MED13L: variants seen among roughly 807,000 people sequenced by gnomAD.
The protein encoded by MED13L is mediator of RNA polymerase II transcription subunit 13-like.
Under a neutral mutation model 220.9 loss-of-function variants are expected in MED13L, and 7 were observed. The observed-to-expected ratio is 0.03, with a 90% confidence interval of 0.02 to 0.06. MED13L has a LOEUF of 0.06. MED13L is among the 10% of genes least tolerant of loss of function. MED13L has a pLI of 1.00. For missense variants in MED13L, 1,965 were observed against 2,760.5 expected, an observed-to-expected ratio of 0.71 and a Z score of 6.46; for synonymous variants, 1,011 against 1,015.2, an observed-to-expected ratio of 1.00 and a Z score of 0.08.
intron 2 of MED13L, among the ~76,000 whole-genome samples, chr12:116,130,320 C>T (rs1048833007): frequency 1.2e-4 from 19 of 152,104 alleles, no homozygotes; most frequent in Non-Finnish European, 1.5e-4. Context: ...TTCAATTTTC[C>T]ACTGCTCATT....
chr12:116,243,078 A>T (rs1870794894), intron 1 of MED13L, among the ~76,000 whole-genome samples: 2 of 152,176 alleles, frequency 1.3e-5, no homozygotes, highest in South Asian at 4.1e-4. Flanking sequence ...CTTTTATTTC[A>T]CTCAGATAAT....
At chr12:116,109,107 G>A (rs1405216488) in intron 3 of MED13L, among the ~76,000 whole-genome samples, 1 of 107,166 alleles carries the variant, frequency 9.3e-6, no homozygotes, top group Non-Finnish European at 1.7e-5. Flanking sequence ...GTCTCACTCT[G>A]TCACCCAGGC....
chr12:116,043,228 C>G (rs1881641649), intron 4 of MED13L, among the ~76,000 whole-genome samples: 1 of 152,012 alleles, frequency 6.6e-6, no homozygotes, highest in Non-Finnish European at 1.5e-5. Context: ...GAGTACAGTA[C>G]ATAAAACCAC....
rs1433720886 is a variant in MED13L at position 116,006,165 on chromosome 12, T to C, written c.2344+141A>G. On this transcript the variant is annotated intron_variant, in intron 12 of 30. Coordinates refer to ENST00000281928, the MANE Select transcript of MED13L (RefSeq NM_015335.5). ...TATGTTTATCAGTTTTGAAAGGAAC[T>C]GAAAAACAAACTATGAAAAATATAT... 3.9e-6 allele frequency: 5 copies of C among 1,270,988 alleles called. No individual in the cohort carries two copies. The African/African-American group carries it at 6.0e-5, about 15-fold the overall frequency. The allele number at this position is 1,270,988 out of a possible 1,614,324, so 78.7% of individuals were successfully genotyped here.
At chr12:116,035,583 TATTA>T (rs540596214) in intron 4 of MED13L, among the ~76,000 whole-genome samples, 108 of 152,142 alleles carry the variant, frequency 7.1e-4, no homozygotes, top group African/African-American at 2.3e-3. Flanking sequence ...ACTATATTCT[TATTA>T]ATTAATTAAT....
chr12:116,099,194 C>A (rs1250830999), intron 3 of MED13L, among the ~76,000 whole-genome samples: 2 of 152,190 alleles, frequency 1.3e-5, no homozygotes, highest in African/African-American at 4.8e-5. Context: ...CCAGGTATAT[C>A]TGATCACAGA....
rs1353134176 is a variant in MED13L, at chr12:116,252,120, T to C, written c.73-14415A>G. On this transcript the variant is annotated intron_variant, in intron 1 of 30. Transcript: ENST00000281928. ...ACTTCAATAGGCCTCCTCTCAGCAA[T>C]AGAACAAGTAGACATAAAATTAATA... 3.9e-5 allele frequency among the ~76,000 whole-genome samples: 6 copies of C among 151,962 alleles called. 1 individual carries two copies. The highest frequency in any genetic ancestry group is 6.5e-5 in the Admixed American group (1 of 15,270).
intron 15 of MED13L, 67 bp downstream of exon 15, chr12:115,996,943 A>C: frequency 6.8e-7 from 1 of 1,477,602 alleles, no homozygotes; most frequent in East Asian, 2.3e-5. Context: ...TACCATTTTA[A>C]AGCAGATGTA....
intron 4 of MED13L, among the ~76,000 whole-genome samples, chr12:116,024,723 G>C (rs1880264105): frequency 8.0e-6 from 1 of 125,466 alleles, no homozygotes; most frequent in Non-Finnish European, 1.6e-5. Context: ...TGTGAAGAAG[G>C]ATTTCTCCTA....
chr12:116,161,831 C>T (rs564431633), intron 2 of MED13L, among the ~76,000 whole-genome samples: 3 of 152,212 alleles, frequency 2.0e-5, no homozygotes, highest in South Asian at 2.1e-4. Flanking sequence ...GTGTTTCTAA[C>T]CTAACCACTC....
At chr12:116,088,615 C>A (rs1871920968) in intron 4 of MED13L, among the ~76,000 whole-genome samples, 1 of 151,910 alleles carries the variant, frequency 6.6e-6, no homozygotes. Flanking sequence ...GGCTGAGAAA[C>A]CCTAGGATAA....
At chr12:116,010,261 T>C (rs565449115) in intron 9 of MED13L, among the ~76,000 whole-genome samples, 1 of 152,326 alleles carries the variant, frequency 6.6e-6, no homozygotes, top group African/African-American at 2.4e-5. Context: ...CCTGAACTTC[T>C]TGTCTTTAAG....
intron 22 of MED13L, among the ~76,000 whole-genome samples, chr12:115,981,215 T>C (rs1877306084): frequency 6.6e-6 from 1 of 152,208 alleles, no homozygotes; most frequent in Non-Finnish European, 1.5e-5. Context: ...GTTCCCACTT[T>C]AGGGGTAAGA....
intron 2 of MED13L, among the ~76,000 whole-genome samples, chr12:116,223,474 G>A (rs1034807297): frequency 1.3e-5 from 2 of 152,108 alleles, no homozygotes; most frequent in African/African-American, 2.4e-5. Flanking sequence ...TTGGGAGGCC[G>A]GGTTAGGCAG....
intron 1 of MED13L, among the ~76,000 whole-genome samples, chr12:116,266,465 C>T (rs945677871): frequency 1.3e-5 from 2 of 152,208 alleles, no homozygotes; most frequent in Non-Finnish European, 2.9e-5. Flanking sequence ...CCTCTCCACA[C>T]TCTTCCACAC....
intron 2 of MED13L, among the ~76,000 whole-genome samples, chr12:116,181,641 G>A (rs925466246): frequency 1.3e-4 from 20 of 152,118 alleles, no homozygotes; most frequent in African/African-American, 4.3e-4. Context: ...CGGAGCAGCT[G>A]GGGTTACATG....
Position 115,968,052 on chromosome 12 carries a change from G to T in MED13L, c.6225+888C>A, listed in dbSNP as rs79472167. Among the ~76,000 whole-genome samples the T allele has an allele frequency of 5.8e-3, 208 of 35,692 alleles. 4 individuals carry two copies. The East Asian group carries it at 0.17, about 28-fold the overall frequency. The allele number at this position is 35,692 out of a possible 152,430, so 23.4% of individuals were successfully genotyped here. A position where few individuals can be genotyped will look rare whatever the true frequency, so the allele number is the denominator to read the frequency against. ...AATAAATTCAGTGCTGGGAATAAAA[G>T]TCCCCCCCCCCCCCCGATGAAAACT... On this transcript the variant is annotated intron_variant, in intron 28 of 30. Transcript: ENST00000281928.
chr12:116,023,527 T>C (rs750114766), intron 4 of MED13L, among the ~76,000 whole-genome samples: 1 of 152,060 alleles, frequency 6.6e-6, no homozygotes, highest in Non-Finnish European at 1.5e-5. Flanking sequence ...TAAAGTATTA[T>C]AAAGTACATT....
chr12:116,245,141 G>C (rs1176455781), intron 1 of MED13L, among the ~76,000 whole-genome samples: 1 of 152,088 alleles, frequency 6.6e-6, no homozygotes, highest in Non-Finnish European at 1.5e-5. Context: ...CACGGAACCA[G>C]AGTGAAAACA....
Sources: gnomAD v4.1 joint callset for allele counts (sites outside exome capture counted in the v4.1 genomes callset) on GRCh38, gnomAD v4.1.1 for gene constraint, MANE v1.5 for transcripts, NCBI Gene and HGNC (gene_info 2026-07-23, HGNC 2026-07-21) for gene names.